The following ILDR1 variants were observed in gnomAD, a reference collection of about 807,000 sequenced individuals.
The protein encoded by ILDR1 is immunoglobulin-like domain-containing receptor 1.
In ILDR1, 56 loss-of-function variants were observed where a neutral mutation model predicts 62.4. The observed-to-expected ratio is 0.90, with a 90% CI of 0.72 to 1.12. ILDR1 has a LOEUF of 1.12. Ranked by LOEUF, ILDR1 falls within the 50% of genes most tolerant of loss-of-function variation. The pLI is 0.00. For synonymous variants in ILDR1, 284 were observed against 277.8 expected (o/e 1.02, Z -0.22); for missense variants, 736 against 710.6 (o/e 1.04, Z -0.41).
At chr3:122,006,805 A>G (rs1303618752) in intron 2 of ILDR1, among the ~76,000 whole-genome samples, 186 bp downstream of exon 2, 1 of 152,182 alleles carries the variant, frequency 6.6e-6, no homozygotes, top group Non-Finnish European at 1.5e-5. Flanking sequence ...GTGACCTTGA[A>G]TACATTATTT....
the ILDR1 span, among the ~76,000 whole-genome samples, chr3:122,039,572 C>A: frequency 6.6e-6 from 1 of 151,980 alleles, no homozygotes; most frequent in Admixed American, 6.6e-5. Flanking sequence ...GAAATAAAGA[C>A]TTTTTCAGAC....
chr3:122,032,672 G>A, the ILDR1 span, among the ~76,000 whole-genome samples: 1 of 152,166 alleles, frequency 6.6e-6, no homozygotes, highest in Non-Finnish European at 1.5e-5. Context: ...TCCAGGCCTA[G>A]GTCATAAAAG....
intron 1 of ILDR1, among the ~76,000 whole-genome samples, chr3:122,010,178 T>C (rs1373913147): frequency 2.0e-5 from 3 of 152,134 alleles, no homozygotes; most frequent in African/African-American, 7.2e-5. Flanking sequence ...TTGGGTAACC[T>C]GGGGGAAACC....
At chr3:121,994,865 A>G (rs1018470931) in intron 5 of ILDR1, among the ~76,000 whole-genome samples, 1 of 152,188 alleles carries the variant, frequency 6.6e-6, no homozygotes, top group Non-Finnish European at 1.5e-5. Flanking sequence ...TGGGTGGAAG[A>G]AAGTTTGTGG....
intron 1 of ILDR1, among the ~76,000 whole-genome samples, chr3:122,017,979 T>C (rs1559883511): frequency 6.6e-6 from 1 of 152,228 alleles, no homozygotes; most frequent in Non-Finnish European, 1.5e-5. Context: ...TGGAAGACAG[T>C]ATGGTGATTC....
In ILDR1 at chr3:121,993,958, G is replaced by T. The variant is rs3915061; in HGVS notation, c.791C>A (p.Pro264Gln). 1.9e-6 allele frequency: 3 copies of T among 1,609,980 alleles called. No individual in the cohort carries two copies. The highest frequency in any genetic ancestry group is 2.2e-5 in the East Asian group (1 of 44,872). Residue 264 changes from proline (P) to glutamine (Q), a missense_variant, in exon 7 of 8, where the codon CCG becomes CAG. Transcript: ENST00000344209. ...HPLLQRDLSL[P>Q]SSLPQMPMTQ... ...CATTGGCATCTGCGGGAGGCTGGAC[G>T]GCAGGGACAAATCTGAATGGAAACA...
intron 4 of ILDR1, 79 bp downstream of exon 4, chr3:122,001,666 G>T: frequency 7.0e-7 from 1 of 1,433,448 alleles, no homozygotes; most frequent in Non-Finnish European, 9.6e-7. Flanking sequence ...GCTTATTTCT[G>T]GTTTTTTTTT....
At position 121,987,984 on chromosome 3, in the gene ILDR1, C is replaced by T. The variant is rs1178141531; in HGVS notation, c.*383G>A. On this transcript the variant is annotated 3_prime_UTR_variant, in exon 8 of 8. Coordinates refer to ENST00000344209, the MANE Select transcript of ILDR1 (RefSeq NM_001199799.2). ...CAGATGTGTGATCATGGGATCCTGG[C>T]TCATTGCAGCCTTGCACTCCTGGGC... 2 of 352,818 alleles carry T rather than the reference C, an allele frequency of 5.7e-6. No individual in the cohort carries two copies. The highest frequency in any genetic ancestry group is 7.3e-5 in the East Asian group (1 of 13,650). 21.9% of individuals were successfully genotyped at this position (352,818 alleles called of 1,614,324 possible). A position where few individuals can be genotyped will look rare whatever the true frequency, so the allele number is the denominator to read the frequency against.
At chr3:122,035,621 C>T in the ILDR1 span, among the ~76,000 whole-genome samples, 1 of 152,116 alleles carries the variant, frequency 6.6e-6, no homozygotes, top group African/African-American at 2.4e-5. Flanking sequence ...TGTGGCACTT[C>T]CCTCTTCCCT....
intron 5 of ILDR1, among the ~76,000 whole-genome samples, 199 bp from the exon 6 acceptor site, chr3:121,994,512 A>G (rs2071409381): frequency 6.6e-6 from 1 of 152,232 alleles, no homozygotes. Context: ...ATTATCTTCA[A>G]GACTGCAACT....
At chr3:121,988,443 C>G in intron 7 of ILDR1, 35 bp from the exon 8 acceptor site, 2 of 1,561,112 alleles carry the variant, frequency 1.3e-6, no homozygotes, top group Non-Finnish European at 1.8e-6. Flanking sequence ...CAAAAAAAAT[C>G]CAGTCAGTGC....
At chr3:122,025,580 C>G (rs1388722739), upstream of ILDR1, among the ~76,000 whole-genome samples, 3 of 152,232 alleles carry the variant, frequency 2.0e-5, no homozygotes, top group Non-Finnish European at 4.4e-5. Flanking sequence ...GTTATCTCAT[C>G]ATTTATAATC....
chr3:122,057,177 A>T, the ILDR1 span, among the ~76,000 whole-genome samples: 5 of 152,226 alleles, frequency 3.3e-5, no homozygotes, highest in African/African-American at 1.2e-4. Context: ...ATCTTTCTGG[A>T]CAATAATCTA....
the ILDR1 span, among the ~76,000 whole-genome samples, chr3:122,047,661 G>T: frequency 6.6e-6 from 1 of 152,160 alleles, no homozygotes; most frequent in African/African-American, 2.4e-5. Context: ...TATTCGGGTG[G>T]GAGTGACCCG....
chr3:122,039,643 AG>A, the ILDR1 span, among the ~76,000 whole-genome samples: 1 of 152,070 alleles, frequency 6.6e-6, no homozygotes, highest in Admixed American at 6.5e-5. Context: ...AAAGAAAAAA[AG>A]TTTTTCAGGC....
the ILDR1 span, among the ~76,000 whole-genome samples, chr3:122,060,171 C>T: frequency 1.3e-5 from 2 of 152,282 alleles, no homozygotes; most frequent in African/African-American, 4.8e-5. Flanking sequence ...GATTACATCA[C>T]TTAAATTAAG....
chr3:121,999,181 G>C (rs947560972), intron 5 of ILDR1, among the ~76,000 whole-genome samples: 1 of 152,092 alleles, frequency 6.6e-6, no homozygotes. Flanking sequence ...TATCTTAATA[G>C]GTCATTCATT....
At chr3:122,023,599 A>G (rs1292472367), upstream of ILDR1, among the ~76,000 whole-genome samples, 4 of 151,996 alleles carry the variant, frequency 2.6e-5, no homozygotes, top group Non-Finnish European at 4.4e-5. Flanking sequence ...CTTGTCCTAG[A>G]TCTGATGCGG....
chr3:122,014,858 C>T (rs139928091), intron 1 of ILDR1, among the ~76,000 whole-genome samples: 4 of 152,168 alleles, frequency 2.6e-5, no homozygotes, highest in South Asian at 2.1e-4. Context: ...GAGGCCAAGA[C>T]CTGGTTGAGG....
Sources: gnomAD v4.1 joint callset for allele counts (sites outside exome capture counted in the v4.1 genomes callset) on GRCh38, gnomAD v4.1.1 for gene constraint, MANE v1.5 for transcripts, NCBI Gene and HGNC (gene_info 2026-07-23, HGNC 2026-07-21) for gene names.